Variants in KCNMA1 observed in about 807,000 individuals in gnomAD.
The protein encoded by KCNMA1 is potassium calcium-activated channel subfamily M alpha 1, also known as Calcium-activated potassium channel subunit alpha-1.
Under a neutral mutation model 140.0 loss-of-function variants are expected in KCNMA1, and 29 were observed. The ratio of observed to expected loss-of-function variants is 0.21; its 90% CI spans 0.15 to 0.28. The LOEUF (loss-of-function observed/expected upper bound fraction) is 0.28. Among genes scored for constraint, KCNMA1 ranks in the 10% least tolerant of loss-of-function variants. The pLI is 1.00. For missense variants in KCNMA1, 880 were observed against 1,602.2 expected, an observed-to-expected ratio of 0.55 and a Z score of 7.70; for synonymous variants, 612 against 611.9, an observed-to-expected ratio of 1.00 and a Z score of 0.00.
intron 1 of KCNMA1, among the ~76,000 whole-genome samples, chr10:77,570,461 A>G (rs1331811436): frequency 2.0e-5 from 3 of 149,720 alleles, no homozygotes; most frequent in Non-Finnish European, 4.4e-5. Flanking sequence ...ATTGGAAATC[A>G]TCATTCTCAG....
At chr10:77,336,011 G>A (rs1375055678) in intron 2 of KCNMA1, among the ~76,000 whole-genome samples, 1 of 152,152 alleles carries the variant, frequency 6.6e-6, no homozygotes, top group African/African-American at 2.4e-5. Context: ...AAGATGCAGG[G>A]ACAGGTTGGG....
rs559357909 is a variant in KCNMA1, at chr10:77,157,122, C to G, written c.808+26299G>C. On this transcript the variant is annotated intron_variant, in intron 5 of 27. Coordinates refer to ENST00000286628, the MANE Select transcript of KCNMA1 (RefSeq NM_001161352.2). ...TCCACTGGGTGACTACACAAATAAG[C>G]TTAAACTTAACAGTTTTATTTTTTA... is the stretch of plus-strand genomic sequence containing the variant. 6.6e-5 allele frequency among the ~76,000 whole-genome samples: 10 copies of G among 152,280 alleles called. No individual in the cohort carries two copies. The East Asian group carries it at 1.4e-3, about 21-fold the overall frequency.
chr10:77,311,298 A>G (rs2079204755), intron 2 of KCNMA1, among the ~76,000 whole-genome samples: 1 of 152,202 alleles, frequency 6.6e-6, no homozygotes, highest in Non-Finnish European at 1.5e-5. Flanking sequence ...AGGGCCCAAC[A>G]GCAGGACCAG....
chr10:77,257,188 T>G lies in KCNMA1; in HGVS notation c.541-5932A>C, dbSNP rs985245385. On this transcript the variant is annotated intron_variant, in intron 2 of 27. Coordinates refer to ENST00000286628, the MANE Select transcript of KCNMA1 (RefSeq NM_001161352.2). ...TGGTGACATTTTGTTTTTTGAGAGA[T>G]AATATCATTCCAACATCTAAATTAT... 3.3e-5 allele frequency among the ~76,000 whole-genome samples: 5 copies of G among 152,208 alleles called. 1 individual carries two copies. The highest frequency in any genetic ancestry group is 1.2e-4 in the African/African-American group (5 of 41,458).
chr10:77,619,049 GGCAGGA>G, intron 1 of KCNMA1, among the ~76,000 whole-genome samples: 2 of 152,252 alleles, frequency 1.3e-5, no homozygotes, highest in South Asian at 4.1e-4. Context: ...CTAGAAAGAG[GGCAGGA>G]GCTGGACCTT....
At chr10:76,889,316 T>G in intron 27 of KCNMA1, 135 bp downstream of exon 27, 1 of 692,136 alleles carries the variant, frequency 1.4e-6, no homozygotes, top group Non-Finnish European at 2.6e-6. Context: ...AAACTCAGTG[T>G]TGGATTTAAT....
At chr10:77,623,587 C>A (rs775295612) in intron 1 of KCNMA1, among the ~76,000 whole-genome samples, 5 of 151,482 alleles carry the variant, frequency 3.3e-5, no homozygotes, top group Admixed American at 1.3e-4. Flanking sequence ...TCTGTAATCC[C>A]AGTTACGTGG....
rs374339337 is a variant in KCNMA1 at position 77,141,069 on chromosome 10, C to A, written c.809-20021G>T. Among the ~76,000 whole-genome samples the A allele has an allele frequency of 2.3e-3, 356 of 152,182 alleles. 1 individual carries two copies. The highest frequency in any genetic ancestry group is 4.4e-3 in the Non-Finnish European group (298 of 68,000). Reference sequence around the variant, plus strand: ...GAAAGAAAAACTGAATTGTCCTACTCCTCCTGTCGTGGCCACCTCCCACCA... The same window carrying A: ...GAAAGAAAAACTGAATTGTCCTACTACTCCTGTCGTGGCCACCTCCCACCA... On this transcript the variant is annotated intron_variant, in intron 5 of 27. Transcript: ENST00000286628.
rs556856072 is a variant in KCNMA1, at chr10:77,100,042, AT to A, written c.1223+8438del. Among the ~76,000 whole-genome samples, 650 of 152,308 alleles carry A rather than the reference AT, an allele frequency of 4.3e-3. 1 individual carries two copies. Among genetic ancestry groups the A allele is most frequent in the Non-Finnish European group, 7.1e-3 (480 of 68,024 alleles). On this transcript the variant is annotated intron_variant, in intron 9 of 27. Coordinates refer to ENST00000286628, the MANE Select transcript of KCNMA1 (RefSeq NM_001161352.2). ...CACTTCCATGATTTCAATGAATAAA[AT>A]TCCTGAAAAAAGAGCATTTCACTGG...
intron 1 of KCNMA1, among the ~76,000 whole-genome samples, chr10:77,600,067 C>A (rs930164340): frequency 6.6e-6 from 1 of 152,162 alleles, no homozygotes; most frequent in Non-Finnish European, 1.5e-5. Flanking sequence ...GCAGGCTGAT[C>A]GCATCATTTT....
chr10:77,090,541 A>G, intron 9 of KCNMA1, 31 bp from the exon 10 acceptor site: 1 of 1,450,572 alleles, frequency 6.9e-7, no homozygotes, highest in Non-Finnish European at 9.7e-7. Context: ...AGATCAGGCC[A>G]GGCACCACGA....
chr10:77,079,644 T>C (rs749162925), intron 12 of KCNMA1, 94 bp from the exon 13 acceptor site: 1 of 871,678 alleles, frequency 1.1e-6, no homozygotes, highest in Non-Finnish European at 2.0e-6. Context: ...GGGGTACCCA[T>C]GGGACTGAGG....
chr10:77,327,952 C>T (rs2084846309), intron 2 of KCNMA1, among the ~76,000 whole-genome samples: 1 of 152,134 alleles, frequency 6.6e-6, no homozygotes, highest in African/African-American at 2.4e-5. Flanking sequence ...ATTCACAAAG[C>T]ACACAAATAG....
chr10:77,246,316 C>A (rs910042768), intron 3 of KCNMA1, among the ~76,000 whole-genome samples: 1 of 152,198 alleles, frequency 6.6e-6, no homozygotes, highest in Admixed American at 6.5e-5. Flanking sequence ...AATAGTAATA[C>A]CTATCCTAAG....
At chr10:77,400,941 C>T (rs2096244075) in intron 2 of KCNMA1, among the ~76,000 whole-genome samples, 1 of 151,730 alleles carries the variant, frequency 6.6e-6, no homozygotes. Context: ...CTACCTGCAT[C>T]TTCTGCTTGG....
At chr10:77,426,531 C>T (rs2096998351) in intron 1 of KCNMA1, among the ~76,000 whole-genome samples, 1 of 152,194 alleles carries the variant, frequency 6.6e-6, no homozygotes, top group South Asian at 2.1e-4. Flanking sequence ...ACAGTCTGCG[C>T]TAGAGTTCGT....
chr10:77,015,163 C>G (rs779604586), intron 17 of KCNMA1, among the ~76,000 whole-genome samples: 18 of 152,190 alleles, frequency 1.2e-4, no homozygotes, highest in Non-Finnish European at 2.1e-4. Flanking sequence ...TCCTGCAAGG[C>G]TGGCCTGTAT....
At chr10:76,902,503 T>A (rs895130992) in intron 25 of KCNMA1, 2 of 152,244 alleles carry the variant, frequency 1.3e-5, no homozygotes, top group African/African-American at 4.8e-5. Flanking sequence ...TTGCGTCACA[T>A]GGGCATTGAG....
intron 3 of KCNMA1, among the ~76,000 whole-genome samples, chr10:77,211,448 A>T (rs576702180): frequency 3.3e-4 from 50 of 152,332 alleles, no homozygotes; most frequent in African/African-American, 1.1e-3. Context: ...ATGTACAAAA[A>T]TTAACTCAAA....
Sources: gnomAD v4.1 joint callset for allele counts (sites outside exome capture counted in the v4.1 genomes callset) on GRCh38, gnomAD v4.1.1 for gene constraint, MANE v1.5 for transcripts, NCBI Gene and HGNC (gene_info 2026-07-23, HGNC 2026-07-21) for gene names.